TEAD2: variants seen among roughly 807,000 people sequenced by gnomAD.
TEAD2 encodes the protein transcriptional enhancer factor TEF-4.
In TEAD2, 51 loss-of-function variants were observed where a neutral mutation model predicts 61.4. The observed-to-expected ratio is 0.83, with a 90% CI of 0.66 to 1.05. The LOEUF (loss-of-function observed/expected upper bound fraction) is 1.05. TEAD2 is among the 50% of genes least tolerant of loss of function. The probability of loss-of-function intolerance (pLI) is 0.00; values close to 1 mark genes in which losing one functional copy is unlikely to be tolerated. For missense variants in TEAD2, 509 were observed against 600.0 expected, an observed-to-expected ratio of 0.85 and a Z score of 1.58; for synonymous variants, 244 against 243.2, an observed-to-expected ratio of 1.00 and a Z score of -0.03.
chr19:49,360,743 ACCC>A (rs1972795493), intron 1 of TEAD2, among the ~76,000 whole-genome samples: 1 of 80,518 alleles, frequency 1.2e-5, no homozygotes, highest in Non-Finnish European at 2.7e-5. Context: ...GGGGACAGAG[ACCC>A]AGAGAGGGAG....
In TEAD2 at chr19:49,341,299, G is replaced by C. The variant is rs375652917; in HGVS notation, c.*25C>G. On this transcript the variant is annotated 3_prime_UTR_variant, in exon 13 of 13. Transcript: ENST00000593945. This position sits in a 1 kb window ranked among gnomAD's most constrained non-coding sequence, Gnocchi z 4.2. ...TCCCTGGGAGGAGGGTGTTCTGGGG[G>C]GTGAGCCAGTTTTGGGGTCCCCCTT... 1 of 1,596,406 alleles carries C rather than the reference G, an allele frequency of 6.3e-7. No homozygotes were observed. Among genetic ancestry groups the C allele is most frequent in the East Asian group, 2.2e-5 (1 of 44,772 alleles).
rs752085162 is a variant in TEAD2, at chr19:49,343,380, G to C, written c.940C>G (p.Pro314Ala). The change falls in exon 11 of 13, where the codon CCA becomes GCA. Residue 314 changes from proline (P) to alanine (A), a missense_variant. Physicochemically the swap from Pro to Ala is conservative, Grantham distance 27. Coordinates refer to ENST00000593945, the MANE Select transcript of TEAD2 (RefSeq NM_001256660.2). ...CCGGCCCCTGCCTCCTCACCACTTG[G>C]GCCCCAGTTCAGGTCCGCCTGGGAG... is the stretch of plus-strand genomic sequence containing the variant. ...VKFWADLNWG[P>A]SGEEAGAGGS... 3 of 1,610,530 alleles carry C rather than the reference G, an allele frequency of 1.9e-6. No individual in the cohort carries two copies. The highest frequency in any genetic ancestry group is 2.5e-6 in the Non-Finnish European group (3 of 1,178,866).
chr19:49,354,813 C>T (rs1345977541), intron 7 of TEAD2, among the ~76,000 whole-genome samples: 1 of 152,076 alleles, frequency 6.6e-6, no homozygotes, highest in East Asian at 1.9e-4. Flanking sequence ...GCCTGGCCAA[C>T]GTGGTGAAAA....
chr19:49,344,022 T>C (rs1971479455), intron 10 of TEAD2, among the ~76,000 whole-genome samples: 2 of 152,072 alleles, frequency 1.3e-5, no homozygotes, highest in South Asian at 4.1e-4. Context: ...ATATTTTGTA[T>C]TTTTTGTAGA....
intron 3 of TEAD2, among the ~76,000 whole-genome samples, chr19:49,358,149 G>A (rs1415990993): frequency 2.0e-5 from 3 of 152,192 alleles, no homozygotes; most frequent in African/African-American, 4.8e-5. Flanking sequence ...CAAGAGAATC[G>A]CTTGAACCCG....
rs1171166115 is a variant in TEAD2 at position 49,340,967 on chromosome 19, G to C, written c.*357C>G. 4.5e-6 allele frequency: 1 copy of C among 223,476 alleles called. No individual in the cohort carries two copies. Among genetic ancestry groups the C allele is most frequent in the East Asian group, 1.1e-4 (1 of 8,912 alleles). 13.8% of individuals were successfully genotyped at this position (223,476 alleles called of 1,614,324 possible). A position where few individuals can be genotyped will look rare whatever the true frequency, so the allele number is the denominator to read the frequency against. ...GTGTAACTAGCGCTCTCCAAGACAT[G>C]CAGAGGAGTGGGGGTGGCCTGTCAG... On this transcript the variant is annotated 3_prime_UTR_variant, in exon 13 of 13. Transcript: ENST00000593945.
chr19:49,356,060 C>T, intron 4 of TEAD2, 90 bp from the exon 5 acceptor site: 1 of 1,024,588 alleles, frequency 9.8e-7, no homozygotes, highest in Non-Finnish European at 1.2e-6. Flanking sequence ...CCCTGCCCTA[C>T]CCGCCCGCAC....
At chr19:49,354,544 G>A (rs117203652) in intron 7 of TEAD2, among the ~76,000 whole-genome samples, 2,259 of 150,768 alleles carry the variant, frequency 0.015, 26 homozygotes, top group Non-Finnish European at 0.023. Flanking sequence ...ATCATCTTCT[G>A]GGGCCCATTT....
At chr19:49,355,504 C>T (rs999237630) in intron 5 of TEAD2, 85 bp from the exon 6 acceptor site, 101 of 1,179,088 alleles carry the variant, frequency 8.6e-5, no homozygotes, top group Non-Finnish European at 1.2e-4. Context: ...GGGGTGAAGA[C>T]GGGGAGGTGC....
chr19:49,342,724 A>G, intron 11 of TEAD2, 134 bp from the exon 12 acceptor site: 1 of 1,088,600 alleles, frequency 9.2e-7, no homozygotes, highest in Non-Finnish European at 1.3e-6. Flanking sequence ...TCATCACCCC[A>G]CCCACAGTGA....
intron 4 of TEAD2, among the ~76,000 whole-genome samples, chr19:49,356,703 G>A (rs73066912): frequency 0.012 from 1,807 of 152,222 alleles, 22 homozygotes; most frequent in South Asian, 0.047. Context: ...GGAGCAGAGG[G>A]AAGGGAGGGG....
Position 49,355,378 on chromosome 19 carries a change from G to A in TEAD2, c.414C>T (p.Thr138=). ...SKDKAFQTMA[T]MSSAQLISAP... ...CGGAGATGAGCTGGGCAGAGGACAT[G>A]GTTGCCATTGTCTGGAAAGCCTTGT... Residue 138 remains threonine (T), a synonymous_variant, in exon 6 of 13, where the codon ACC becomes ACT. Transcript: ENST00000593945. The A allele has an allele frequency of 2.5e-6, 4 of 1,614,190 alleles. No individual in the cohort carries two copies. In the South Asian group the frequency reaches 4.4e-5, roughly 18 times the overall value.
intron 4 of TEAD2, 107 bp from the exon 5 acceptor site, chr19:49,356,077 G>A (rs781154577): frequency 1.4e-5 from 11 of 790,764 alleles, no homozygotes; most frequent in Middle Eastern, 4.3e-4. Flanking sequence ...GCACAGCCCC[G>A]CCACCCTGAG....
chr19:49,346,557 T>C (rs1971654626), intron 10 of TEAD2, among the ~76,000 whole-genome samples: 1 of 152,074 alleles, frequency 6.6e-6, no homozygotes, highest in South Asian at 2.1e-4. Flanking sequence ...CTGGGGAGGC[T>C]GAGGCAGGAG....
intron 7 of TEAD2, among the ~76,000 whole-genome samples, chr19:49,352,570 CTT>C (rs1972092954): frequency 1.3e-5 from 2 of 152,130 alleles, no homozygotes; most frequent in Admixed American, 6.5e-5. Context: ...GAGTTTTGCT[CTT>C]GTTGCCCAGG....
At chr19:49,357,507 C>T (rs1488949899) in intron 3 of TEAD2, 193 bp from the exon 4 acceptor site, 8 of 627,876 alleles carry the variant, frequency 1.3e-5, no homozygotes. Flanking sequence ...CACGGACCCT[C>T]CCGGGACCCA....
chr19:49,360,915 G>C (rs1972829845), intron 1 of TEAD2, among the ~76,000 whole-genome samples: 1 of 133,440 alleles, frequency 7.5e-6, no homozygotes, highest in Admixed American at 7.3e-5. Context: ...AGACCAGAGA[G>C]AGAAGGGGAC....
At chr19:49,354,852 G>T (rs1972268478) in intron 7 of TEAD2, among the ~76,000 whole-genome samples, 2 of 152,020 alleles carry the variant, frequency 1.3e-5, no homozygotes. Context: ...ACAAAAATTA[G>T]CCGTGCATAG....
intron 9 of TEAD2, among the ~76,000 whole-genome samples, chr19:49,347,838 A>G (rs1971749154): frequency 6.6e-6 from 1 of 152,214 alleles, no homozygotes; most frequent in Admixed American, 6.5e-5. Context: ...GGGAATCCAC[A>G]GAGGTCTTGT....
Sources: allele counts gnomAD v4.1 joint callset (sites outside exome capture counted in the v4.1 genomes callset), GRCh38; gene constraint gnomAD v4.1.1; non-coding constraint Gnocchi (gnomAD v3.1); transcripts MANE v1.5; gene names NCBI Gene and HGNC (gene_info 2026-07-23, HGNC 2026-07-21).